PTER: variants seen among roughly 807,000 people sequenced by gnomAD.
PTER encodes the protein N-acetyltaurine hydrolase.
Under a neutral mutation model 29.6 loss-of-function variants are expected in PTER, and 38 were observed. The ratio of observed to expected loss-of-function variants is 1.28; its 90% CI spans 0.99 to 1.68. The LOEUF (loss-of-function observed/expected upper bound fraction) is 1.68, where lower values mean the gene tolerates loss of function less well. PTER is among the 40% of genes most tolerant of loss of function. PTER has a pLI of 0.00. For missense variants in PTER, 482 were observed against 427.8 expected, an observed-to-expected ratio of 1.13 and a Z score of -1.12; for synonymous variants, 172 against 154.5, an observed-to-expected ratio of 1.11 and a Z score of -0.84.
At chr10:16,454,955 G>T (rs997800412) in intron 1 of PTER, among the ~76,000 whole-genome samples, 1 of 152,138 alleles carries the variant, frequency 6.6e-6, no homozygotes, top group Non-Finnish European at 1.5e-5. Context: ...CTGGCCAGGT[G>T]CAGTGGCTCA....
intron 1 of PTER, among the ~76,000 whole-genome samples, chr10:16,479,645 C>T (rs749343287): frequency 3.3e-5 from 5 of 152,012 alleles, no homozygotes; most frequent in Non-Finnish European, 7.4e-5. Context: ...TCTTAGAAGT[C>T]CATTTATTTG....
At chr10:16,508,420 C>T (rs912163035) in intron 4 of PTER, among the ~76,000 whole-genome samples, 13 of 152,096 alleles carry the variant, frequency 8.5e-5, no homozygotes, top group Non-Finnish European at 1.6e-4. Context: ...CACTCTGGAT[C>T]GGCTTCCTTT....
downstream of PTER, among the ~76,000 whole-genome samples, chr10:16,518,095 T>C (rs1469322113): frequency 6.6e-6 from 1 of 152,168 alleles, no homozygotes; most frequent in Non-Finnish European, 1.5e-5. Context: ...AAAAATTAAG[T>C]CAGCTCAGAG....
intron 2 of PTER, among the ~76,000 whole-genome samples, chr10:16,485,891 C>G (rs1411875): frequency 0.35 from 53,746 of 151,852 alleles, 9,694 homozygotes; most frequent in Middle Eastern, 0.55. Context: ...CTCAGGAGTT[C>G]CAAGTCCAGC....
Position 16,511,883 on chromosome 10 carries a change from G to T in PTER, c.*627G>T, listed in dbSNP as rs1269711868. 3.3e-5 allele frequency: 5 copies of T among 152,560 alleles called. No individual in the cohort carries two copies. Among genetic ancestry groups the T allele is most frequent in the African/African-American group, 1.2e-4 (5 of 41,374 alleles). 9.5% of individuals were successfully genotyped at this position (152,560 alleles called of 1,614,324 possible). On this transcript the variant is annotated 3_prime_UTR_variant, in exon 5 of 5. Transcript: ENST00000535784. ...TGATTTTGATATCTTTGGCTTTCCG[G>T]TATCTATTTTTGCCATACATTTTGC...
intron 2 of PTER, 67 bp downstream of exon 2, chr10:16,484,883 C>T: frequency 5.4e-6 from 8 of 1,484,734 alleles, no homozygotes; most frequent in Non-Finnish European, 6.3e-6. Context: ...CTTGGAAATG[C>T]CCTGGGTTCA....
At chr10:16,484,019 A>G (rs1008312069) in intron 1 of PTER, among the ~76,000 whole-genome samples, 2 of 152,190 alleles carry the variant, frequency 1.3e-5, no homozygotes, top group African/African-American at 4.8e-5. Context: ...ATGCATAGCT[A>G]TGATTAAGAG....
intron 1 of PTER, among the ~76,000 whole-genome samples, chr10:16,466,151 A>G (rs1029294654): frequency 6.6e-6 from 1 of 151,690 alleles, no homozygotes; most frequent in African/African-American, 2.4e-5. Context: ...TACAAGTACA[A>G]CTCTCCTTTT....
intron 1 of PTER, among the ~76,000 whole-genome samples, chr10:16,452,489 A>G (rs528065090): frequency 6.6e-6 from 1 of 151,708 alleles, no homozygotes; most frequent in East Asian, 2.0e-4. Context: ...TTTAGTAGAG[A>G]TGGGGTTTTA....
chr10:16,490,203 A>G (rs148192506), intron 3 of PTER, among the ~76,000 whole-genome samples: 2,469 of 152,274 alleles, frequency 0.016, 65 homozygotes, highest in African/African-American at 0.056. Flanking sequence ...AACAGCTCAT[A>G]TAATGTATTG....
At chr10:16,500,218 A>G (rs1348424806) in intron 3 of PTER, among the ~76,000 whole-genome samples, 1 of 140,720 alleles carries the variant, frequency 7.1e-6, no homozygotes, top group African/African-American at 2.8e-5. Context: ...ATAAGAATTC[A>G]TAGGGATTAC....
intron 3 of PTER, among the ~76,000 whole-genome samples, chr10:16,488,541 A>G (rs562384768): frequency 4.6e-4 from 70 of 152,174 alleles, no homozygotes; most frequent in African/African-American, 1.6e-3. Context: ...CTATTAGAAC[A>G]TAATCATTTA....
At chr10:16,515,085 A>G (rs1193117484), downstream of PTER, among the ~76,000 whole-genome samples, 1 of 152,142 alleles carries the variant, frequency 6.6e-6, no homozygotes, top group Non-Finnish European at 1.5e-5. Flanking sequence ...TTTAAGCCAG[A>G]TAGCAATATT....
chr10:16,470,979 T>G (rs556189405), intron 1 of PTER, among the ~76,000 whole-genome samples: 1 of 152,244 alleles, frequency 6.6e-6, no homozygotes, highest in Non-Finnish European at 1.5e-5. Context: ...ACCCCTCATA[T>G]GAGTGTGTTC....
chr10:16,508,050 T>C (rs1046389997), intron 4 of PTER, among the ~76,000 whole-genome samples: 22 of 147,972 alleles, frequency 1.5e-4, no homozygotes, highest in Admixed American at 4.1e-4. Flanking sequence ...GTTTTATTTC[T>C]TTTTTCTTTT....
chr10:16,468,811 T>C (rs1239497768), intron 1 of PTER, among the ~76,000 whole-genome samples: 1 of 151,592 alleles, frequency 6.6e-6, no homozygotes, highest in Non-Finnish European at 1.5e-5. Context: ...CCTTTCTCTA[T>C]AGAAAATAAA....
At chr10:16,453,664 G>A (rs1348988298) in intron 1 of PTER, among the ~76,000 whole-genome samples, 1 of 152,130 alleles carries the variant, frequency 6.6e-6, no homozygotes, top group Non-Finnish European at 1.5e-5. Flanking sequence ...CTGGAATATG[G>A]TTCATTTAAG....
intron 1 of PTER, among the ~76,000 whole-genome samples, chr10:16,477,281 T>TAGAC (rs1228524877): frequency 1.8e-3 from 260 of 141,578 alleles, no homozygotes; most frequent in African/African-American, 7.3e-3. Context: ...GATAGATAGA[T>TAGAC]AGATAGATAG....
chr10:16,511,250 C>G lies in PTER; in HGVS notation c.1044C>G (p.Phe348Leu). 1 of 1,612,920 alleles carries G rather than the reference C, an allele frequency of 6.2e-7. No homozygotes were observed. Among genetic ancestry groups the G allele is most frequent in the Non-Finnish European group, 8.5e-7 (1 of 1,179,020 alleles). The change falls in exon 5 of 5, where the codon TTC (phenylalanine) becomes TTG (leucine). Residue 348 changes from phenylalanine to leucine, a missense_variant. Physicochemically the swap from Phe to Leu is conservative, Grantham distance 22. Coordinates refer to ENST00000535784, the MANE Select transcript of PTER (RefSeq NM_001261836.2). ...LIENPKQWLT[F>L]K ...AGAACCCTAAGCAATGGCTAACTTT[C>G]AAATAGGATGGTTGCTTATGAATTC...
Sources: allele counts gnomAD v4.1 joint callset (sites outside exome capture counted in the v4.1 genomes callset), GRCh38; gene constraint gnomAD v4.1.1; transcripts MANE v1.5; gene names NCBI Gene and HGNC (gene_info 2026-07-23, HGNC 2026-07-21).